FNBP1L: variants seen among roughly 807,000 people sequenced by gnomAD.
The protein encoded by FNBP1L is formin-binding protein 1-like.
Under a neutral mutation model 91.2 loss-of-function variants are expected in FNBP1L, and 36 were observed. That is an observed-to-expected ratio of 0.39 (90% CI 0.30 to 0.52). The LOEUF (loss-of-function observed/expected upper bound fraction) is 0.52, where lower values mean the gene tolerates loss of function less well. Ranked by LOEUF, FNBP1L falls within the 20% of genes least tolerant of loss-of-function variation. FNBP1L has a pLI of 0.66. For synonymous variants in FNBP1L, 242 were observed against 237.0 expected, an observed-to-expected ratio of 1.02 and a Z score of -0.19; for missense variants, 571 against 732.1, an observed-to-expected ratio of 0.78 and a Z score of 2.54.
At chr1:93,468,275 C>T (rs1317105926) in intron 1 of FNBP1L, among the ~76,000 whole-genome samples, 1 of 152,036 alleles carries the variant, frequency 6.6e-6, no homozygotes, top group Non-Finnish European at 1.5e-5. Flanking sequence ...CTGTAACATG[C>T]ATTACTTTGT....
chr1:93,508,172 A>G (rs1355984719), intron 2 of FNBP1L, among the ~76,000 whole-genome samples: 1 of 150,908 alleles, frequency 6.6e-6, no homozygotes, highest in East Asian at 2.0e-4. Flanking sequence ...ACATGGTGAA[A>G]CCCCATATCT....
chr1:93,448,939 T>C (rs1297155121), intron 1 of FNBP1L, among the ~76,000 whole-genome samples: 1 of 152,218 alleles, frequency 6.6e-6, no homozygotes, highest in African/African-American at 2.4e-5. Flanking sequence ...CGGGCACAGC[T>C]TCGAGGGACT....
At chr1:93,528,656 G>A (rs984845418) in intron 5 of FNBP1L, among the ~76,000 whole-genome samples, 1 of 152,130 alleles carries the variant, frequency 6.6e-6, no homozygotes, top group Non-Finnish European at 1.5e-5. Flanking sequence ...GAATCCACAG[G>A]TTGATGGGGG....
chr1:93,542,813 C>T (rs1446615617), intron 11 of FNBP1L, among the ~76,000 whole-genome samples: 2 of 138,024 alleles, frequency 1.4e-5, no homozygotes, highest in Admixed American at 1.5e-4. Flanking sequence ...GACGGAGTCT[C>T]GCTCTTGTCG....
chr1:93,470,478 G>C (rs745319733), intron 1 of FNBP1L, among the ~76,000 whole-genome samples: 5 of 152,170 alleles, frequency 3.3e-5, no homozygotes, highest in Non-Finnish European at 7.4e-5. Flanking sequence ...CTCTCCAGTT[G>C]GCTTGCTTCT....
At chr1:93,480,002 A>G (rs532320289) in intron 1 of FNBP1L, among the ~76,000 whole-genome samples, 1 of 152,356 alleles carries the variant, frequency 6.6e-6, no homozygotes, top group East Asian at 1.9e-4. Flanking sequence ...TTCACAATTT[A>G]TGTTCAGAGA....
chr1:93,542,910 C>T (rs985253627), intron 11 of FNBP1L, among the ~76,000 whole-genome samples: 1 of 151,334 alleles, frequency 6.6e-6, no homozygotes, highest in Admixed American at 6.6e-5. Flanking sequence ...CAGCCTCTCA[C>T]GAGTAGCTGG....
Position 93,553,775 on chromosome 1 carries a change from C to T in FNBP1L, c.*1359C>T, listed in dbSNP as rs548404681. On this transcript the variant is annotated 3_prime_UTR_variant, in exon 17 of 17. Transcript: ENST00000271234. ...GGTGTCCTGCCTCGCATTTGTGATT[C>T]TGTTAATGACATGTATCTTAACTAA... 2 of 152,648 alleles carry T rather than the reference C, an allele frequency of 1.3e-5. No homozygotes were observed. Among genetic ancestry groups the T allele is most frequent in the South Asian group, 4.1e-4 (2 of 4,822 alleles). 9.5% of individuals were successfully genotyped at this position (152,648 alleles called of 1,614,324 possible). A position where few individuals can be genotyped will look rare whatever the true frequency, so the allele number is the denominator to read the frequency against.
rs1028743182 is a variant in FNBP1L, at chr1:93,510,896, G to A, written c.141-11186G>A. ...TGAATGAAACGAAGCGAGAAGGGAA[G>A]TTTAGAGAAAATAGAATAAAAAGAA... On this transcript the variant is annotated intron_variant, in intron 2 of 16. Coordinates refer to ENST00000271234, the MANE Select transcript of FNBP1L (RefSeq NM_001164473.3). 4.1e-4 allele frequency among the ~76,000 whole-genome samples: 62 copies of A among 152,208 alleles called. 2 individuals are homozygous for A. The highest frequency in any genetic ancestry group is 3.9e-3 in the Admixed American group (59 of 15,284).
chr1:93,451,812 C>T (rs1383326337), intron 1 of FNBP1L, among the ~76,000 whole-genome samples: 2 of 151,972 alleles, frequency 1.3e-5, no homozygotes, highest in South Asian at 2.1e-4. Context: ...CCACCATGCC[C>T]GACTAATTTT....
intron 1 of FNBP1L, among the ~76,000 whole-genome samples, chr1:93,470,115 G>A (rs1669234963): frequency 1.3e-5 from 2 of 152,158 alleles, no homozygotes; most frequent in Non-Finnish European, 2.9e-5. Flanking sequence ...AAGTGTGAAT[G>A]TTAGCTATGC....
chr1:93,549,295 C>T lies in FNBP1L; in HGVS notation c.1520C>T (p.Thr507Ile). ...QGRESPEGSY[T>I]DDANQEVRGP... The stretch of plus-strand genomic sequence containing the variant: ...TTTTATAGTCCTGAGGGAAGTTACA[C>T]TGATGATGCAAACCAGGAAGTCCGT... The change falls in exon 15 of 17, where the codon ACT becomes ATT. Residue 507 changes from threonine (T) to isoleucine (I), a missense_variant. By Grantham distance (89) the Thr-to-Ile change is moderately conservative. Coordinates refer to ENST00000271234, the MANE Select transcript of FNBP1L (RefSeq NM_001164473.3). 2 of 1,610,756 alleles carry T rather than the reference C, an allele frequency of 1.2e-6. No homozygotes were observed. Among genetic ancestry groups the T allele is most frequent in the Non-Finnish European group, 1.7e-6 (2 of 1,178,778 alleles).
chr1:93,499,934 T>G (rs1670389813), intron 2 of FNBP1L, among the ~76,000 whole-genome samples: 1 of 152,246 alleles, frequency 6.6e-6, no homozygotes, highest in African/African-American at 2.4e-5. Flanking sequence ...TATTGAATAT[T>G]TCTTCAGAGT....
intron 6 of FNBP1L, among the ~76,000 whole-genome samples, chr1:93,530,357 A>T (rs1172065379): frequency 1.3e-5 from 2 of 152,154 alleles, no homozygotes; most frequent in Non-Finnish European, 2.9e-5. Context: ...CTTTTTTAAC[A>T]ATCTGAAAAT....
intron 1 of FNBP1L, among the ~76,000 whole-genome samples, chr1:93,483,260 C>T (rs904109599): frequency 6.0e-5 from 9 of 149,958 alleles, no homozygotes; most frequent in Non-Finnish European, 1.0e-4. Context: ...GGCAAGTTTT[C>T]GATGTTGAAT....
At chr1:93,516,532 T>A (rs1233978603) in intron 2 of FNBP1L, among the ~76,000 whole-genome samples, 6 of 152,118 alleles carry the variant, frequency 3.9e-5, no homozygotes, top group Non-Finnish European at 8.8e-5. Context: ...AATGACATCC[T>A]GGGCTGGGCA....
chr1:93,524,231 A>AT (rs758950022), intron 4 of FNBP1L, 30 bp from the exon 5 acceptor site: 154 of 1,423,696 alleles, frequency 1.1e-4, no homozygotes, highest in Admixed American at 6.2e-4. Context: ...TTTTATTTTT[A>AT]TTTTTTTTGG....
intron 1 of FNBP1L, among the ~76,000 whole-genome samples, chr1:93,463,386 T>C (rs1267352224): frequency 6.6e-6 from 1 of 152,188 alleles, no homozygotes; most frequent in Non-Finnish European, 1.5e-5. Flanking sequence ...CATGTTTGTA[T>C]ATTAACCTGT....
At chr1:93,449,281 G>T (rs1668397838) in intron 1 of FNBP1L, among the ~76,000 whole-genome samples, 3 of 149,484 alleles carry the variant, frequency 2.0e-5, no homozygotes, top group Admixed American at 6.6e-5. Flanking sequence ...TCTCAGGTGC[G>T]GAGGGCAGTG....
Sources: gnomAD v4.1 joint callset for allele counts (sites outside exome capture counted in the v4.1 genomes callset) on GRCh38, gnomAD v4.1.1 for gene constraint, MANE v1.5 for transcripts, NCBI Gene and HGNC (gene_info 2026-07-23, HGNC 2026-07-21) for gene names.